Variants in CSPG5 observed in about 807,000 individuals in gnomAD.
The protein encoded by CSPG5 is acidic leucine-rich EGF-like domain-containing brain protein.
Under a neutral mutation model 39.8 loss-of-function variants are expected in CSPG5, and 25 were observed. The ratio of observed to expected loss-of-function variants is 0.63; its 90% CI spans 0.46 to 0.88. The LOEUF is 0.88. Among genes scored for constraint, CSPG5 ranks in the 40% least tolerant of loss-of-function variants. CSPG5 has a pLI of 0.00. For missense variants in CSPG5, 627 were observed against 702.2 expected (o/e 0.89, Z 1.21); for synonymous variants, 295 against 303.9 (o/e 0.97, Z 0.31).
chr3:47,575,929 C>CTTTTTTTTTT (rs370578310), intron 2 of CSPG5, among the ~76,000 whole-genome samples: 1 of 99,628 alleles, frequency 1.0e-5, no homozygotes, highest in Non-Finnish European at 2.0e-5. Context: ...TTCATTTTGC[C>CTTTTTTTTTT]TTTTTTTTTT....
Position 47,578,540 on chromosome 3 carries a change from C to A in CSPG5, c.97+57G>T, listed in dbSNP as rs1296318100. 8.6e-6 allele frequency: 5 copies of A among 579,890 alleles called. No homozygotes were observed. The highest frequency in any genetic ancestry group is 1.2e-5 in the Non-Finnish European group (5 of 419,834). The allele number at this position is 579,890 out of a possible 1,614,324, so 35.9% of individuals were successfully genotyped here. A position where few individuals can be genotyped will look rare whatever the true frequency, so the allele number is the denominator to read the frequency against. The stretch of plus-strand genomic sequence containing the variant: ...CCACCTGTCCCCGCCGCCAGCGGGA[C>A]CCCTGCCCTGGGTGGGGCACGAGGG... On this transcript the variant is annotated intron_variant, in intron 1 of 4. Coordinates refer to ENST00000264723, the MANE Select transcript of CSPG5 (RefSeq NM_006574.4). The surrounding 1 kb of genome is among the most constrained non-coding windows in gnomAD (Gnocchi z 6.0).
In CSPG5 at chr3:47,577,527, G is replaced by A. The variant is rs2031805519; in HGVS notation, c.499C>T (p.Leu167Phe). Residue 167 changes from leucine to phenylalanine, a missense_variant, in exon 2 of 5, where the codon CTC becomes TTC. Leu to Phe is a conservative substitution (Grantham distance 22). Coordinates refer to ENST00000264723, the MANE Select transcript of CSPG5 (RefSeq NM_006574.4). This position sits in a 1 kb window ranked among gnomAD's most constrained non-coding sequence, Gnocchi z 4.7. The stretch of plus-strand genomic sequence containing the variant: ...ACCTCCAAGGGGCTCTCCTTGGGGA[G>A]TTCAGAAGCTGGGCTCAGCTTGTCG... The part of the protein sequence containing the change: ...PGDKLSPASE[L>F]PKESPLEVWL... 4 of 1,611,454 alleles carry A rather than the reference G, an allele frequency of 2.5e-6. No individual in the cohort carries two copies. In the African/African-American group the frequency reaches 5.3e-5, roughly 22 times the overall value.
chr3:47,562,814 T>G, intron 4 of CSPG5, 53 bp from the exon 5 acceptor site: 2 of 1,475,758 alleles, frequency 1.4e-6, no homozygotes, highest in Non-Finnish European at 1.8e-6. Context: ...AGCAACCAAA[T>G]AATAATATCA....
intron 2 of CSPG5, among the ~76,000 whole-genome samples, chr3:47,575,958 A>G (rs371489951): frequency 7.4e-4 from 87 of 118,344 alleles, no homozygotes; most frequent in African/African-American, 2.8e-3. Flanking sequence ...TTTTTTTGAG[A>G]CAGAGTTTCG....
intron 4 of CSPG5, 31 bp from the exon 5 acceptor site, chr3:47,562,792 G>A: frequency 6.5e-7 from 1 of 1,546,484 alleles, no homozygotes; most frequent in Non-Finnish European, 8.9e-7. Context: ...GGGGGGGGGA[G>A]ACAATGCATA....
chr3:47,564,203 C>T (rs2031201937), intron 4 of CSPG5, among the ~76,000 whole-genome samples: 1 of 152,182 alleles, frequency 6.6e-6, no homozygotes, highest in African/African-American at 2.4e-5. Context: ...TGCTTAAGGA[C>T]CAGAGTGTTC....
chr3:47,565,922 C>T (rs528921249), intron 4 of CSPG5, among the ~76,000 whole-genome samples: 1 of 152,308 alleles, frequency 6.6e-6, no homozygotes, highest in East Asian at 1.9e-4. Flanking sequence ...TCCTGACATA[C>T]CCTTCAAGGC....
chr3:47,574,219 C>A (rs776277406), intron 2 of CSPG5, among the ~76,000 whole-genome samples: 1 of 152,140 alleles, frequency 6.6e-6, no homozygotes, highest in Non-Finnish European at 1.5e-5. Flanking sequence ...CTGAGGAAGA[C>A]AATCTTATTC....
chr3:47,567,736 G>GAA (rs2031366829), intron 4 of CSPG5, among the ~76,000 whole-genome samples: 2 of 152,208 alleles, frequency 1.3e-5, no homozygotes, highest in South Asian at 4.1e-4. Flanking sequence ...AGAAGGCCAG[G>GAA]CATGGTAGCT....
chr3:47,578,002 G>A lies in CSPG5; in HGVS notation c.98-74C>T, dbSNP rs1320115592. The A allele has an allele frequency of 7.4e-7, 1 of 1,358,778 alleles. No homozygotes were observed. The highest frequency in any genetic ancestry group is 9.4e-7 in the Non-Finnish European group (1 of 1,064,450). The allele number at this position is 1,358,778 out of a possible 1,614,324, so 84.2% of individuals were successfully genotyped here. Reference sequence around the variant, plus strand: ...AGCCCTGGAGCCCCGGCCCGCCCCGGTCAGGCCCGCTCGCCTAGACCTGGT... The same window carrying A: ...AGCCCTGGAGCCCCGGCCCGCCCCGATCAGGCCCGCTCGCCTAGACCTGGT... On this transcript the variant is annotated intron_variant, in intron 1 of 4. Transcript: ENST00000264723. This position sits in a 1 kb window ranked among gnomAD's most constrained non-coding sequence, Gnocchi z 6.0.
At chr3:47,568,593 G>GT (rs1305170075) in intron 4 of CSPG5, among the ~76,000 whole-genome samples, 2 of 152,146 alleles carry the variant, frequency 1.3e-5, no homozygotes, top group African/African-American at 4.8e-5. Context: ...AGCAACCACC[G>GT]TTTGCTTCAC....
In CSPG5 at chr3:47,577,837, G is replaced by A. The variant is rs766936266; in HGVS notation, c.189C>T (p.Ala63=). 1.3e-6 allele frequency: 2 copies of A among 1,561,432 alleles called. No homozygotes were observed. Among genetic ancestry groups the A allele is most frequent in the Admixed American group, 1.9e-5 (1 of 53,258 alleles). Residue 63 remains alanine, a synonymous_variant, in exon 2 of 5, where the codon GCC becomes GCT. Transcript: ENST00000264723. The surrounding 1 kb of genome is among the most constrained non-coding windows in gnomAD (Gnocchi z 4.7). ...CATCTTCCCCAGCCGCTGGTGGGCC[G>A]GCTTCTTCCCGCGTGTCGTTGGCAG... The part of the protein sequence containing the change: ...EPPANDTREE[A]GPPAAGEDEA...
At chr3:47,569,004 T>C (rs2031415732) in intron 4 of CSPG5, 148 bp downstream of exon 4, 4 of 1,354,882 alleles carry the variant, frequency 3.0e-6, no homozygotes, top group African/African-American at 1.5e-5. Flanking sequence ...TATTCTGAAA[T>C]AGACATCAGA....
chr3:47,562,296 C>G lies in CSPG5; in HGVS notation c.*304G>C, dbSNP rs890211076. On this transcript the variant is annotated 3_prime_UTR_variant, in exon 5 of 5. Transcript: ENST00000264723. ...GTTTTTTACTGGTATTTCAAAAAAA[C>G]GTGGGTCAAAGTACAAAAAAAAGTC... is the stretch of plus-strand genomic sequence containing the variant. The G allele has an allele frequency of 4.2e-6, 1 of 237,608 alleles. No individual in the cohort carries two copies. The highest frequency in any genetic ancestry group is 8.0e-6 in the Non-Finnish European group (1 of 125,422). The allele number at this position is 237,608 out of a possible 1,614,324, so 14.7% of individuals were successfully genotyped here.
In CSPG5 at chr3:47,572,868, G is replaced by A. The variant is rs200967005; in HGVS notation, c.1200C>T (p.Asn400=). 5.0e-6 allele frequency: 8 copies of A among 1,604,772 alleles called. No homozygotes were observed. The African/African-American group carries it at 1.1e-4, about 21-fold the overall frequency. Reference sequence around the variant, plus strand: ...CCTTGTGCCAGATGTAGTCCTGCGTGTTGCACCTGCAGCAGCGACATTGAG... The same window carrying A: ...CCTTGTGCCAGATGTAGTCCTGCGTATTGCACCTGCAGCAGCGACATTGAG... ...VENIGAFCRC[N]TQDYIWHKGM... Residue 400 remains asparagine, a synonymous_variant, in exon 3 of 5, where the codon AAC becomes AAT. Transcript: ENST00000264723. This position sits in a 1 kb window ranked among gnomAD's most constrained non-coding sequence, Gnocchi z 4.5.
intron 2 of CSPG5, among the ~76,000 whole-genome samples, chr3:47,573,313 C>T (rs1262545361): frequency 6.6e-6 from 1 of 152,216 alleles, no homozygotes; most frequent in African/African-American, 2.4e-5. Context: ...AGTCCCAGGA[C>T]CTGCCCTGCA....
intron 4 of CSPG5, 127 bp downstream of exon 4, chr3:47,569,025 G>A: frequency 1.4e-6 from 2 of 1,419,416 alleles, no homozygotes; most frequent in South Asian, 1.5e-5. Flanking sequence ...CATGGGCCAG[G>A]GGCCAAAGCA....
chr3:47,572,696 G>T lies in CSPG5; in HGVS notation c.1372C>A (p.Arg458Ser), dbSNP rs776965190. The change falls in exon 3 of 5, where the codon CGT becomes AGT. Residue 458 changes from arginine (R) to serine (S), a missense_variant. Transcript: ENST00000264723. This position sits in a 1 kb window ranked among gnomAD's most constrained non-coding sequence, Gnocchi z 4.5. Reference protein sequence around the residue: ...YLLKTENTKLRRTNKFRTPSE... With the variant: ...YLLKTENTKLSRTNKFRTPSE... ...GTGACACAGACTCACTTGGTCCTAC[G>T]CAGCTTGGTATTCTCCGTCTTGAGC... The T allele has an allele frequency of 6.2e-7, 1 of 1,613,962 alleles. No homozygotes were observed. Among genetic ancestry groups the T allele is most frequent in the Non-Finnish European group, 8.5e-7 (1 of 1,179,888 alleles).
At chr3:47,569,055 G>A in intron 4 of CSPG5, 97 bp downstream of exon 4, 1 of 1,481,206 alleles carries the variant, frequency 6.8e-7, no homozygotes, top group Non-Finnish European at 9.0e-7. Context: ...GGAGAGATGT[G>A]AAGAAAACAA....
Sources: allele counts gnomAD v4.1 joint callset (sites outside exome capture counted in the v4.1 genomes callset), GRCh38; gene constraint gnomAD v4.1.1; non-coding constraint Gnocchi (gnomAD v3.1); transcripts MANE v1.5; gene names NCBI Gene and HGNC (gene_info 2026-07-23, HGNC 2026-07-21).